The following ARMCX4 variants were observed in gnomAD, a reference collection of about 807,000 sequenced individuals.
The protein encoded by ARMCX4 is armadillo repeat containing X-linked 4, also known as armadillo repeat-containing X-linked protein 4.
A neutral mutation model predicts 34.7 loss-of-function variants in ARMCX4; 3 were observed. The observed-to-expected ratio is 0.09, with a 90% CI of 0.04 to 0.22. The LOEUF (loss-of-function observed/expected upper bound fraction) is 0.22. ARMCX4 is among the 10% of genes least tolerant of loss of function. The probability of loss-of-function intolerance (pLI) is 1.00; values close to 1 mark genes in which losing one functional copy is unlikely to be tolerated. For missense variants in ARMCX4, 1,448 were observed against 1,720.8 expected (o/e 0.84, Z 2.81); for synonymous variants, 513 against 632.8 (o/e 0.81, Z 2.84).
At chrX:101,520,227 T>C (rs1556018767) in intron 11 of ARMCX4, among the ~76,000 whole-genome samples, 1 of 111,858 alleles carries the variant, frequency 8.9e-6, no homozygotes, top group Non-Finnish European at 1.9e-5. Context: ...CAAGGTTATG[T>C]TATCTGCAAA....
At chrX:101,457,987 C>CTGTA (rs1282521440) in intron 4 of ARMCX4, among the ~76,000 whole-genome samples, 1 of 110,662 alleles carries the variant, frequency 9.0e-6, no homozygotes, top group Non-Finnish European at 1.9e-5. Flanking sequence ...GGTGATCCAC[C>CTGTA]AGCTTCGGCC....
upstream of ARMCX4, among the ~76,000 whole-genome samples, chrX:101,483,654 A>G (rs1556005880): frequency 9.1e-6 from 1 of 109,618 alleles, no homozygotes; most frequent in African/African-American, 3.3e-5. Context: ...CTTTTAGATT[A>G]TTACAAGTTA....
chrX:101,501,660 G>A (rs782671905), intron 7 of ARMCX4, among the ~76,000 whole-genome samples: 16 of 112,652 alleles, frequency 1.4e-4, no homozygotes, highest in Admixed American at 1.1e-3. Flanking sequence ...ATATGCTAAT[G>A]AAGGAATGGG....
downstream of ARMCX4, among the ~76,000 whole-genome samples, chrX:101,496,605 A>T: frequency 8.9e-6 from 1 of 111,795 alleles, no homozygotes; most frequent in Non-Finnish European, 1.9e-5. Context: ...TACAACTTTG[A>T]AATAATAAGA....
exon 12 of ARMCX4, chrX:101,531,668 C>G (rs1935130648): frequency 9.0e-6 from 1 of 111,507 alleles, no homozygotes; most frequent in Non-Finnish European, 1.9e-5. Flanking sequence ...ATTATGGAAG[C>G]TATGCCTGGA....
downstream of ARMCX4, among the ~76,000 whole-genome samples, chrX:101,496,698 A>G (rs1169796479): frequency 1.8e-5 from 2 of 111,612 alleles, no homozygotes; most frequent in Non-Finnish European, 3.8e-5. Flanking sequence ...TTATGGAACC[A>G]TAGAGAGTGT....
At chrX:101,507,742 A>G (rs1556015504) in intron 8 of ARMCX4, among the ~76,000 whole-genome samples, 1 of 111,956 alleles carries the variant, frequency 8.9e-6, no homozygotes, top group Non-Finnish European at 1.9e-5. Context: ...CTTACACTTG[A>G]CTGGTAATTA....
chrX:101,466,453 C>T (rs782144685), intron 4 of ARMCX4, among the ~76,000 whole-genome samples: 8 of 111,955 alleles, frequency 7.1e-5, no homozygotes, highest in Non-Finnish European at 1.5e-4. Context: ...TAGCAGCTTT[C>T]TTGGTAATTG....
At chrX:101,454,176 A>G (rs1465197169) in intron 4 of ARMCX4, among the ~76,000 whole-genome samples, 1 of 109,978 alleles carries the variant, frequency 9.1e-6, no homozygotes, top group African/African-American at 3.3e-5. Flanking sequence ...GTGTTGGAAA[A>G]TGTTTAACAA....
intron 11 of ARMCX4, among the ~76,000 whole-genome samples, chrX:101,512,787 C>T (rs868990507): frequency 2.0e-5 from 2 of 97,824 alleles, no homozygotes; most frequent in African/African-American, 8.2e-5. Context: ...TATATATACA[C>T]ATATATATAC....
chrX:101,503,760 T>A (rs1486556943), intron 7 of ARMCX4, among the ~76,000 whole-genome samples: 1 of 111,366 alleles, frequency 9.0e-6, no homozygotes, highest in Non-Finnish European at 1.9e-5. Flanking sequence ...GATGGTAGTT[T>A]CTTTTGCTGT....
In ARMCX4 at chrX:101,493,482, T is replaced by C. The variant is rs1324023778; in HGVS notation, c.4893T>C (p.Ser1631=). 5.2e-6 allele frequency: 6 copies of C among 1,153,997 alleles called. No individual in the cohort carries two copies. The Admixed American group carries it at 1.6e-4, about 30-fold the overall frequency. ...GGCCGGGGCCTGCAGACCAGTCCAG[T>C]GGTGGGTCCTGGGCTGGCACTGGGA... is the stretch of plus-strand genomic sequence containing the variant. ...GARPGPADQS[S]GGSWAGTGNQ... The change falls in exon 6 of 6, where the codon AGT becomes AGC. Residue 1631 remains serine, a synonymous_variant. Transcript: ENST00000423738.
At chrX:101,480,784 A>G (rs1229528499), upstream of ARMCX4, among the ~76,000 whole-genome samples, 1 of 112,139 alleles carries the variant, frequency 8.9e-6, no homozygotes, top group Non-Finnish European at 1.9e-5. Context: ...TAAGCATGTG[A>G]AATTATGCTC....
chrX:101,488,863 A>G lies in ARMCX4; in HGVS notation c.274A>G (p.Thr92Ala). ...GPRAEVETKA[T>A]AIAIHRANSQ... ...TAGGGCTGAAGTAGAGACCAAGGCC[A>G]CTGCTATAGCCATACACAGAGCCAA... Residue 92 changes from threonine (T) to alanine (A), a missense_variant, in exon 6 of 6, where the codon ACT becomes GCT. This residue lies in a region of ARMCX4 where 1,343 missense variants were observed against 1,540.7 expected (regional missense o/e 0.87). Transcript: ENST00000423738. 8.7e-7 allele frequency: 1 copy of G among 1,155,825 alleles called. No individual in the cohort carries two copies. The highest frequency in any genetic ancestry group is 1.1e-6 in the Non-Finnish European group (1 of 872,660).
At chrX:101,429,385 G>T (rs1555991578) in intron 2 of ARMCX4, among the ~76,000 whole-genome samples, 2 of 100,102 alleles carry the variant, frequency 2.0e-5, no homozygotes. Context: ...GTCCAGGCTG[G>T]AGTGCAATGA....
rs1327456980 is a variant in ARMCX4, at chrX:101,434,850, A to G, written n.165-9202A>G. Among the ~76,000 whole-genome samples the G allele has an allele frequency of 1.2e-4, 11 of 93,719 alleles. No individual in the cohort carries two copies. The Admixed American group carries it at 1.5e-3, about 13-fold the overall frequency. The allele number at this position is 93,719 out of a possible 115,157, so 81.4% of individuals were successfully genotyped here. On this transcript the variant is annotated intron_variant and non_coding_transcript_variant, in intron 2 of 3. Coordinates refer to the ARMCX4 transcript ENST00000430461. ...CCCCTTCCTGTGTCCATGTGTTCTC[A>G]TTGTTCAATTCCCATCTGTGAGTGA...
intron 4 of ARMCX4, among the ~76,000 whole-genome samples, chrX:101,460,629 AAAATAGTG>A (rs1932567681): frequency 8.9e-6 from 1 of 112,000 alleles, no homozygotes; most frequent in African/African-American, 3.2e-5. Context: ...TTAGTTTTTT[AAAATAGTG>A]AAATATATTA....
At chrX:101,460,629 A>G (rs1932567471) in intron 4 of ARMCX4, among the ~76,000 whole-genome samples, 1 of 112,000 alleles carries the variant, frequency 8.9e-6, no homozygotes, top group South Asian at 3.7e-4. Context: ...TTAGTTTTTT[A>G]AAATAGTGAA....
chrX:101,521,964 T>C (rs1023301308), intron 11 of ARMCX4, among the ~76,000 whole-genome samples: 1 of 111,733 alleles, frequency 8.9e-6, no homozygotes, highest in South Asian at 3.7e-4. Context: ...TTGAGAAGAA[T>C]ATGTATTTTT....
Sources: allele counts gnomAD v4.1 joint callset (sites outside exome capture counted in the v4.1 genomes callset), GRCh38; gene constraint gnomAD v4.1.1; regional missense constraint gnomAD v4.1.1; transcripts MANE v1.5; gene names NCBI Gene and HGNC (gene_info 2026-07-23, HGNC 2026-07-21).